The following BTN3A3 variants were observed in gnomAD, a reference collection of about 807,000 sequenced individuals.
BTN3A3 encodes the protein butyrophilin subfamily 3 member A3.
Under a neutral mutation model 43.2 loss-of-function variants are expected in BTN3A3, and 39 were observed. The observed-to-expected ratio is 0.90, with a 90% CI of 0.70 to 1.18. The LOEUF is 1.18. BTN3A3 is among the 50% of genes most tolerant of loss of function. The pLI is 0.00. For synonymous variants in BTN3A3, 255 were observed against 272.7 expected (o/e 0.93, Z 0.64); for missense variants, 631 against 722.8 (o/e 0.87, Z 1.46).
At position 26,443,950 on chromosome 6, in the gene BTN3A3, C is replaced by T; in HGVS notation, c.86-7C>T. The T allele has an allele frequency of 4.3e-6, 7 of 1,613,918 alleles. No individual in the cohort carries two copies. Among genetic ancestry groups the T allele is most frequent in the Non-Finnish European group, 4.2e-6 (5 of 1,179,840 alleles). ...CCTCTGATGGAGCTTCCCCCTTGTG[C>T]TGACAGCTCAGTTTTCTGTGCTTGG... On this transcript the variant is annotated splice_region_variant and splice_polypyrimidine_tract_variant and intron_variant, in intron 3 of 10. Transcript: ENST00000244519.
rs1276661085 is a variant in BTN3A3, at chr6:26,452,001, A to G, written c.1345A>G (p.Arg449Gly). 8 of 1,614,198 alleles carry G rather than the reference A, an allele frequency of 5.0e-6. No homozygotes were observed. Among genetic ancestry groups the G allele is most frequent in the Non-Finnish European group, 6.8e-6 (8 of 1,180,024 alleles). The change falls in exon 11 of 11, where the codon AGA (arginine) becomes GGA (glycine). Residue 449 changes from arginine (R) to glycine (G), a missense_variant. Arg to Gly is a moderately radical substitution (Grantham distance 125). Around this residue, in one of 2 missense-constraint regions of BTN3A3, gnomAD observed 551 missense variants for 584.0 expected, o/e 0.94. Coordinates refer to ENST00000244519, the MANE Select transcript of BTN3A3 (RefSeq NM_006994.5). ...TAAGTATCGGGCTCTCACTGAGCCC[A>G]GAACCAACCTGAAACTTCCTGAGCC... Reference protein sequence around the residue: ...GNKYRALTEPRTNLKLPEPPR... With the variant: ...GNKYRALTEPGTNLKLPEPPR...
intron 1 of BTN3A3, 124 bp downstream of exon 1, chr6:26,440,772 CTGTG>C (rs55866097): frequency 0.13 from 19,272 of 147,618 alleles, 1,370 homozygotes; most frequent in East Asian, 0.24. Context: ...TGCAGTGCCT[CTGTG>C]TGTGTGTGTG....
chr6:26,443,070 C>T (rs1357412786), intron 1 of BTN3A3, among the ~76,000 whole-genome samples: 1 of 152,188 alleles, frequency 6.6e-6, no homozygotes, highest in Non-Finnish European at 1.5e-5. Context: ...GGTTCAGCCC[C>T]TGACTGACTT....
At chr6:26,448,991 G>A (rs1796524) in intron 8 of BTN3A3, among the ~76,000 whole-genome samples, 13,012 of 151,946 alleles carry the variant, frequency 0.086, 634 homozygotes, top group Middle Eastern at 0.16. Context: ...CTTTGTACTA[G>A]GGGCCACAGA....
Position 26,451,816 on chromosome 6 carries a change from G to A in BTN3A3, c.1160G>A (p.Cys387Tyr), listed in dbSNP as rs1309374795. ...GAATGGCGTTACTGTGTCCTTGGCT[G>A]TGAAAACTTCACATCAGGGAGACAT... ...RFEWRYCVLG[C>Y]ENFTSGRHYW... Residue 387 changes from cysteine (C) to tyrosine (Y), a missense_variant, in exon 11 of 11, where the codon TGT (cysteine) becomes TAT (tyrosine). Around this residue, in one of 2 missense-constraint regions of BTN3A3, gnomAD observed 551 missense variants for 584.0 expected, o/e 0.94. Coordinates refer to ENST00000244519, the MANE Select transcript of BTN3A3 (RefSeq NM_006994.5). The A allele has an allele frequency of 5.6e-6, 9 of 1,613,942 alleles. No individual in the cohort carries two copies. Among genetic ancestry groups the A allele is most frequent in the Non-Finnish European group, 1.7e-6 (2 of 1,179,916 alleles).
intron 4 of BTN3A3, chr6:26,444,747 A>G (rs1056801498): frequency 5.4e-5 from 15 of 280,102 alleles, no homozygotes; most frequent in Non-Finnish European, 9.6e-5. Context: ...TTTTTGTAGT[A>G]TAATGAGGCA....
chr6:26,448,571 C>T (rs369916398), intron 6 of BTN3A3, 46 bp from the exon 7 acceptor site: 111 of 1,613,456 alleles, frequency 6.9e-5, no homozygotes, highest in Admixed American at 1.3e-4. Context: ...ACCCCCCTTA[C>T]CCATAACTGT....
chr6:26,444,575 T>C (rs1762724667), intron 4 of BTN3A3: 1 of 594,580 alleles, frequency 1.7e-6, no homozygotes, highest in Admixed American at 3.0e-5. Flanking sequence ...TAGGAAACAT[T>C]AGAAATCATC....
intron 5 of BTN3A3, among the ~76,000 whole-genome samples, chr6:26,447,795 A>G (rs1249212623): frequency 6.6e-6 from 1 of 152,202 alleles, no homozygotes; most frequent in Non-Finnish European, 1.5e-5. Context: ...TGCTAGTCAC[A>G]TAGGGGAGCC....
At chr6:26,443,180 C>G (rs192590502) in intron 1 of BTN3A3, among the ~76,000 whole-genome samples, 20 of 152,274 alleles carry the variant, frequency 1.3e-4, no homozygotes, top group Non-Finnish European at 5.9e-5. Flanking sequence ...GAGGAGTCCA[C>G]AGTGTTGGAC....
At position 26,448,711 on chromosome 6, in the gene BTN3A3, T is replaced by TA; in HGVS notation, c.938-16dup. ...TTTGAGCACCTTGATAACCCTTCCC[T>TA]ATTCATTCCATTGCAGAGTGGAGGA... On this transcript the variant is annotated splice_polypyrimidine_tract_variant and intron_variant, in intron 7 of 10. Transcript: ENST00000244519. 6.2e-7 allele frequency: 1 copy of TA among 1,614,060 alleles called. No individual in the cohort carries two copies. The highest frequency in any genetic ancestry group is 8.5e-7 in the Non-Finnish European group (1 of 1,179,986).
At position 26,444,268 on chromosome 6, in the gene BTN3A3, T is replaced by G. The variant is rs1396528978; in HGVS notation, c.397T>G (p.Phe133Val). Residue 133 changes from phenylalanine (F) to valine (V), a missense_variant, in exon 4 of 11, where the codon TTC (phenylalanine) becomes GTC (valine). Phe to Val is a conservative substitution (Grantham distance 50). Coordinates refer to ENST00000244519, the MANE Select transcript of BTN3A3 (RefSeq NM_006994.5). Reference protein sequence around the residue: ...KYLCYFQDGDFYEKALVELKV... With the variant: ...KYLCYFQDGDVYEKALVELKV... ...CTTGTGTTATTTCCAAGATGGTGAC[T>G]TCTACGAAAAAGCCCTGGTGGAGCT... 1 of 1,612,062 alleles carries G rather than the reference T, an allele frequency of 6.2e-7. No homozygotes were observed. The highest frequency in any genetic ancestry group is 1.1e-5 in the South Asian group (1 of 90,998).
chr6:26,452,658 G>C lies in BTN3A3; in HGVS notation c.*247G>C. On this transcript the variant is annotated 3_prime_UTR_variant, in exon 11 of 11. Transcript: ENST00000244519. ...CCTTTAATCCTCACAACACCCTGTC[G>C]GGTAGTCATATTTTGCAAGTATGGA... 1 of 440,946 alleles carries C rather than the reference G, an allele frequency of 2.3e-6. No homozygotes were observed. Among genetic ancestry groups the C allele is most frequent in the Non-Finnish European group, 4.0e-6 (1 of 249,652 alleles). 27.3% of individuals were successfully genotyped at this position (440,946 alleles called of 1,614,324 possible). A position where few individuals can be genotyped will look rare whatever the true frequency, so the allele number is the denominator to read the frequency against.
chr6:26,445,728 A>C lies in BTN3A3; in HGVS notation c.458A>C (p.Glu153Ala), dbSNP rs148026276. 7.5e-5 allele frequency: 121 copies of C among 1,614,122 alleles called. No individual in the cohort carries two copies. In the African/African-American group the frequency reaches 1.5e-3, roughly 20 times the overall value. Residue 153 changes from glutamate (E) to alanine (A), a missense_variant, in exon 5 of 11, where the codon GAA (glutamate) becomes GCA (alanine). Physicochemically the swap from Glu to Ala is moderately radical, Grantham distance 107. Coordinates refer to ENST00000244519, the MANE Select transcript of BTN3A3 (RefSeq NM_006994.5). ...GCATTGGGTTCTGATCTTCACATTG[A>C]AGTGAAGGGTTATGAGGATGGAGGG... ...VAALGSDLHI[E>A]VKGYEDGGIH...
At chr6:26,450,029 G>C in intron 9 of BTN3A3, 78 bp from the exon 10 acceptor site, 5 of 1,468,288 alleles carry the variant, frequency 3.4e-6, no homozygotes, top group Non-Finnish European at 2.9e-6. Flanking sequence ...GAGAGAAAAC[G>C]TGTAGTGAAA....
chr6:26,452,749 G>A lies in BTN3A3; in HGVS notation c.*338G>A, dbSNP rs140968699. On this transcript the variant is annotated 3_prime_UTR_variant, in exon 11 of 11. Transcript: ENST00000244519. Reference sequence around the variant, plus strand: ...ACAGTAATTTGTGCAGTTGGGAGATGTTCAGCCTTAGTCCCTGGCTAATTG... The same window carrying A: ...ACAGTAATTTGTGCAGTTGGGAGATATTCAGCCTTAGTCCCTGGCTAATTG... 6 of 237,466 alleles carry A rather than the reference G, an allele frequency of 2.5e-5. No homozygotes were observed. The highest frequency in any genetic ancestry group is 1.1e-4 in the African/African-American group (5 of 44,200). 14.7% of individuals were successfully genotyped at this position (237,466 alleles called of 1,614,324 possible). A position where few individuals can be genotyped will look rare whatever the true frequency, so the allele number is the denominator to read the frequency against.
rs756558738 is a variant in BTN3A3, at chr6:26,451,729, A to T, written c.1073A>T (p.Asp358Val). 1.2e-6 allele frequency: 2 copies of T among 1,614,000 alleles called. No homozygotes were observed. Among genetic ancestry groups the T allele is most frequent in the East Asian group, 2.2e-5 (1 of 44,890 alleles). Residue 358 changes from aspartate to valine, a missense_variant, in exon 11 of 11, where the codon GAC becomes GTC. By Grantham distance (152) the Asp-to-Val change is radical (BLOSUM62 -3). Around this residue, in one of 2 missense-constraint regions of BTN3A3, gnomAD observed 551 missense variants for 584.0 expected, o/e 0.94. Transcript: ENST00000244519. ...TANAILLVSE[D>V]QRSVQRAEEP... is the part of the protein sequence containing the mutation. ...AACGCCATCCTCCTTGTTTCTGAGG[A>T]CCAGAGGAGTGTGCAGCGTGCTGAA... is the stretch of plus-strand genomic sequence containing the variant.
At chr6:26,447,796 T>C (rs1241573454) in intron 5 of BTN3A3, among the ~76,000 whole-genome samples, 1 of 152,162 alleles carries the variant, frequency 6.6e-6, no homozygotes, top group Non-Finnish European at 1.5e-5. Context: ...GCTAGTCACA[T>C]AGGGGAGCCA....
intron 8 of BTN3A3, chr6:26,449,411 C>G: frequency 3.6e-6 from 2 of 551,734 alleles, no homozygotes; most frequent in Non-Finnish European, 6.5e-6. Flanking sequence ...TAGACAGATT[C>G]AAAATAGATT....
Sources: allele counts gnomAD v4.1 joint callset (sites outside exome capture counted in the v4.1 genomes callset), GRCh38; gene constraint gnomAD v4.1.1; regional missense constraint gnomAD v4.1.1; transcripts MANE v1.5; gene names NCBI Gene and HGNC (gene_info 2026-07-23, HGNC 2026-07-21).